Variants in NFIC observed in about 807,000 individuals in gnomAD.
The protein encoded by NFIC is nuclear factor 1 C-type.
In NFIC, 12 loss-of-function variants were observed where a neutral mutation model predicts 54.4. The observed-to-expected ratio is 0.22, with a 90% CI of 0.14 to 0.36. The LOEUF (loss-of-function observed/expected upper bound fraction) is 0.36. NFIC is among the 10% of genes least tolerant of loss of function. The probability of loss-of-function intolerance (pLI) is 1.00; values close to 1 mark genes in which losing one functional copy is unlikely to be tolerated. For synonymous variants in NFIC, 322 were observed against 319.2 expected, an observed-to-expected ratio of 1.01 and a Z score of -0.09; for missense variants, 575 against 718.2, an observed-to-expected ratio of 0.80 and a Z score of 2.28.
At chr19:3,367,155 T>A (rs1555737813) in intron 1 of NFIC, among the ~76,000 whole-genome samples, 1 of 151,784 alleles carries the variant, frequency 6.6e-6, no homozygotes, top group Non-Finnish European at 1.5e-5. Flanking sequence ...TTTCCCCGTG[T>A]CCCCCCACCA....
intron 2 of NFIC, among the ~76,000 whole-genome samples, chr19:3,392,034 G>A (rs932259449): frequency 1.3e-5 from 2 of 151,556 alleles, no homozygotes; most frequent in African/African-American, 4.9e-5. Context: ...TTGAGCATAG[G>A]GGGTGCCTAG....
chr19:3,377,433 G>A (rs1234501592), intron 1 of NFIC, among the ~76,000 whole-genome samples: 1 of 151,850 alleles, frequency 6.6e-6, no homozygotes, highest in African/African-American at 2.4e-5. Context: ...AGAGCTGGGG[G>A]GAGGAAAACA....
At chr19:3,382,745 G>A (rs2081234220) in intron 2 of NFIC, among the ~76,000 whole-genome samples, 1 of 148,694 alleles carries the variant, frequency 6.7e-6, no homozygotes, top group Non-Finnish European at 1.5e-5. Flanking sequence ...GCCAGCATGT[G>A]TAGATGTGAT....
intron 2 of NFIC, among the ~76,000 whole-genome samples, chr19:3,394,619 C>A (rs187369782): frequency 6.9e-6 from 1 of 144,492 alleles, no homozygotes; most frequent in East Asian, 2.1e-4. Flanking sequence ...TTGGGCAGGC[C>A]GTGCTAAGAC....
intron 2 of NFIC, among the ~76,000 whole-genome samples, chr19:3,403,135 G>A (rs1484734710): frequency 6.6e-6 from 1 of 152,186 alleles, no homozygotes; most frequent in African/African-American, 2.4e-5. Context: ...TTTGGCTGCA[G>A]GCATTTATTG....
chr19:3,434,922 TC>T, intron 5 of NFIC, 160 bp from the exon 6 acceptor site: 1 of 957,000 alleles, frequency 1.0e-6, no homozygotes, highest in East Asian at 2.8e-5. Context: ...GAACAGGCGT[TC>T]GTAGGGAACG....
intron 6 of NFIC, 133 bp downstream of exon 6, chr19:3,435,340 T>C: frequency 1.6e-6 from 2 of 1,289,666 alleles, no homozygotes; most frequent in East Asian, 5.5e-5. Flanking sequence ...CTCCTGGGAA[T>C]TGTAGTCGTC....
At chr19:3,450,410 C>T (rs972566572) in intron 7 of NFIC, among the ~76,000 whole-genome samples, 5 of 151,232 alleles carry the variant, frequency 3.3e-5, no homozygotes, top group African/African-American at 1.2e-4. Context: ...AATCCCAGCA[C>T]TTTGGGAGGC....
chr19:3,433,175 G>A (rs1259971580), intron 3 of NFIC, among the ~76,000 whole-genome samples: 2 of 151,744 alleles, frequency 1.3e-5, no homozygotes, highest in African/African-American at 4.8e-5. Context: ...GTGTTCCCCA[G>A]GCTGGTCTTG....
At chr19:3,363,236 T>TGTGTGTGTGC (rs1314178191), upstream of NFIC, among the ~76,000 whole-genome samples, 1,708 of 63,642 alleles carry the variant, frequency 0.027, 145 homozygotes, top group African/African-American at 0.036. Context: ...TATGTGTATG[T>TGTGTGTGTGC]GTGTGTATAT....
In NFIC at chr19:3,462,765, G is replaced by A. The variant is rs1311928399; in HGVS notation, c.1523G>A (p.Gly508Glu). Residue 508 changes from glycine to glutamate, a missense_variant, in exon 11 of 11, where the codon GGA becomes GAA. This residue lies in a region of NFIC where 447 missense variants were observed against 526.9 expected (regional missense o/e 0.85). Transcript: ENST00000443272. Reference protein sequence around the residue: ...GIYQAQSWYLG With the variant: ...GIYQAQSWYLE ...TGGGCCACTCAGTCCTGGTATCTGG[G>A]ATAGCAAAGGTCTTCTTCCCTCGCC... 1 of 1,613,778 alleles carries A rather than the reference G, an allele frequency of 6.2e-7. No individual in the cohort carries two copies. Among genetic ancestry groups the A allele is most frequent in the Non-Finnish European group, 8.5e-7 (1 of 1,179,958 alleles).
rs894404203 is a variant in NFIC at position 3,370,904 on chromosome 19, A to G, written c.30+4238A>G. Among the ~76,000 whole-genome samples, 6 of 152,160 alleles carry G rather than the reference A, an allele frequency of 3.9e-5. No individual in the cohort carries two copies. Among genetic ancestry groups the G allele is most frequent in the African/African-American group, 1.4e-4 (6 of 41,434 alleles). Reference sequence around the variant, plus strand: ...GGGTGCCCATCTGCCCTGAGCACACAGCGTGCGGGCACCCAAGTCCTGACC... The same window carrying G: ...GGGTGCCCATCTGCCCTGAGCACACGGCGTGCGGGCACCCAAGTCCTGACC... On this transcript the variant is annotated intron_variant, in intron 1 of 10. Coordinates refer to ENST00000443272, the MANE Select transcript of NFIC (RefSeq NM_001245002.2). This position sits in a 1 kb window ranked among gnomAD's most constrained non-coding sequence, Gnocchi z 5.2.
upstream of NFIC, among the ~76,000 whole-genome samples, chr19:3,363,338 C>G (rs940584422): frequency 1.2e-4 from 17 of 140,422 alleles, no homozygotes; most frequent in African/African-American, 3.3e-4. Context: ...ATGGCATGAT[C>G]CTGGCTCACT....
chr19:3,360,597 C>T (rs1445746051), intron 1 of NFIC, among the ~76,000 whole-genome samples: 1 of 152,202 alleles, frequency 6.6e-6, no homozygotes, highest in Non-Finnish European at 1.5e-5. Flanking sequence ...GGCCGCGGGT[C>T]CCGGCGCGTC....
At chr19:3,451,570 G>T (rs1017901452) in intron 7 of NFIC, among the ~76,000 whole-genome samples, 1 of 149,756 alleles carries the variant, frequency 6.7e-6, no homozygotes, top group East Asian at 2.0e-4. Context: ...GGTCAAGGCT[G>T]TAGTGAGCCA....
intron 9 of NFIC, among the ~76,000 whole-genome samples, 197 bp from the exon 10 acceptor site, chr19:3,456,353 C>T (rs1042807402): frequency 3.9e-5 from 6 of 152,278 alleles, no homozygotes; most frequent in South Asian, 4.1e-4. Context: ...TCAGGATCCC[C>T]GCCTCCCAAG....
At chr19:3,456,449 G>A in intron 9 of NFIC, 101 bp from the exon 10 acceptor site, 1 of 1,148,846 alleles carries the variant, frequency 8.7e-7, no homozygotes, top group East Asian at 2.6e-5. Flanking sequence ...CAGAGGCCCG[G>A]CTGTGTGACG....
At chr19:3,426,783 A>T (rs1023223639) in intron 3 of NFIC, among the ~76,000 whole-genome samples, 1 of 152,222 alleles carries the variant, frequency 6.6e-6, no homozygotes, top group South Asian at 2.1e-4. Context: ...GCCGCTGCAC[A>T]TTCTGTTACC....
intron 1 of NFIC, among the ~76,000 whole-genome samples, chr19:3,361,445 G>A (rs1211273184): frequency 6.6e-6 from 1 of 152,108 alleles, no homozygotes; most frequent in Non-Finnish European, 1.5e-5. Flanking sequence ...AGAGGCCGTG[G>A]GCACAGAGAG....
Sources: allele counts gnomAD v4.1 joint callset (sites outside exome capture counted in the v4.1 genomes callset), GRCh38; gene constraint gnomAD v4.1.1; regional missense constraint gnomAD v4.1.1; non-coding constraint Gnocchi (gnomAD v3.1); transcripts MANE v1.5; gene names NCBI Gene and HGNC (gene_info 2026-07-23, HGNC 2026-07-21).